The following KHDRBS2 variants were observed in gnomAD, a reference collection of about 807,000 sequenced individuals.
KHDRBS2 encodes KH domain-containing, RNA-binding, signal transduction-associated protein 2.
In KHDRBS2, 26 loss-of-function variants were observed where a neutral mutation model predicts 44.3. That is an observed-to-expected ratio of 0.59 (90% CI 0.43 to 0.81). The LOEUF (loss-of-function observed/expected upper bound fraction) is 0.81. Ranked by LOEUF, KHDRBS2 falls within the 40% of genes least tolerant of loss-of-function variation. KHDRBS2 has a pLI of 0.00. For missense variants in KHDRBS2, 476 were observed against 433.1 expected (o/e 1.10, Z -0.88); for synonymous variants, 194 against 151.1 (o/e 1.28, Z -2.08).
intron 1 of KHDRBS2, among the ~76,000 whole-genome samples, chr6:62,250,239 T>A (rs1434740194): frequency 6.6e-6 from 1 of 152,116 alleles, no homozygotes; most frequent in Non-Finnish European, 1.5e-5. Context: ...AATTATTGTT[T>A]AGACATGCTT....
chr6:62,133,399 G>A (rs1246708411), intron 2 of KHDRBS2, among the ~76,000 whole-genome samples: 1 of 152,184 alleles, frequency 6.6e-6, no homozygotes, highest in Non-Finnish European at 1.5e-5. Flanking sequence ...CTGCTGTCAT[G>A]TAAAATGTGT....
chr6:62,062,297 C>G (rs1382777430), intron 2 of KHDRBS2, among the ~76,000 whole-genome samples: 6 of 147,028 alleles, frequency 4.1e-5, no homozygotes, highest in Non-Finnish European at 9.0e-5. Context: ...GTCTACAGAA[C>G]TTTCCACCCC....
chr6:62,166,859 C>T (rs753399974), intron 2 of KHDRBS2, among the ~76,000 whole-genome samples: 2 of 151,958 alleles, frequency 1.3e-5, no homozygotes, highest in East Asian at 1.9e-4. Flanking sequence ...AAGATCCATC[C>T]GTGAGCTAAT....
intron 6 of KHDRBS2, among the ~76,000 whole-genome samples, chr6:61,793,020 A>C (rs1784839043): frequency 6.6e-6 from 1 of 151,986 alleles, no homozygotes; most frequent in Non-Finnish European, 1.5e-5. Flanking sequence ...AAGATATTAC[A>C]AAGCTTCGAT....
At chr6:61,747,327 A>T (rs1777017849) in intron 6 of KHDRBS2, among the ~76,000 whole-genome samples, 1 of 152,132 alleles carries the variant, frequency 6.6e-6, no homozygotes, top group Non-Finnish European at 1.5e-5. Flanking sequence ...TTCCTGCCAA[A>T]CTTCTTGGTG....
At chr6:61,609,057 A>C in the KHDRBS2 span, among the ~76,000 whole-genome samples, 4 of 152,178 alleles carry the variant, frequency 2.6e-5, no homozygotes, top group Non-Finnish European at 5.9e-5. Flanking sequence ...TCCCATCAAC[A>C]GTGTGAAAGT....
intron 2 of KHDRBS2, among the ~76,000 whole-genome samples, chr6:62,076,819 A>G (rs780002884): frequency 2.6e-5 from 4 of 152,002 alleles, no homozygotes; most frequent in Non-Finnish European, 5.9e-5. Flanking sequence ...CTGAGTTGGT[A>G]GGATTGCTTG....
chr6:61,661,478 G>A, the KHDRBS2 span: 4 of 151,866 alleles, frequency 2.6e-5, no homozygotes, highest in South Asian at 2.1e-4. Flanking sequence ...TTTAATAACA[G>A]TAGCAGTTGT....
chr6:61,917,348 T>C (rs1807205186), intron 4 of KHDRBS2, among the ~76,000 whole-genome samples: 1 of 151,882 alleles, frequency 6.6e-6, no homozygotes, highest in South Asian at 2.1e-4. Flanking sequence ...TACTTAAATG[T>C]ATATTAAAAG....
chr6:62,241,641 C>T (rs560355468), intron 1 of KHDRBS2, among the ~76,000 whole-genome samples: 47 of 150,510 alleles, frequency 3.1e-4, no homozygotes, highest in Admixed American at 9.2e-4. Flanking sequence ...TCGGTTTCAC[C>T]ATTAACTAAA....
At chr6:61,721,957 A>G (rs1054368498) in intron 7 of KHDRBS2, among the ~76,000 whole-genome samples, 2 of 148,506 alleles carry the variant, frequency 1.3e-5, no homozygotes, top group African/African-American at 5.0e-5. Context: ...CGTCCAATCA[A>G]TACCTAATTT....
intron 1 of KHDRBS2, among the ~76,000 whole-genome samples, chr6:62,244,548 G>A (rs946201248): frequency 1.3e-5 from 2 of 152,000 alleles, no homozygotes; most frequent in African/African-American, 4.8e-5. Context: ...AATAAATTAA[G>A]GACAATTGGC....
intron 2 of KHDRBS2, among the ~76,000 whole-genome samples, chr6:62,105,694 G>C (rs1001374558): frequency 5.9e-5 from 9 of 152,028 alleles, no homozygotes; most frequent in African/African-American, 2.2e-4. Context: ...CTTGCTAGCG[G>C]TCTATCAATT....
the KHDRBS2 span, among the ~76,000 whole-genome samples, chr6:61,548,094 C>T: frequency 6.6e-6 from 1 of 152,028 alleles, no homozygotes; most frequent in African/African-American, 2.4e-5. Context: ...CTAATAGGAA[C>T]TGAAATGATG....
At chr6:61,983,439 A>G (rs528142801) in intron 3 of KHDRBS2, among the ~76,000 whole-genome samples, 1 of 151,812 alleles carries the variant, frequency 6.6e-6, no homozygotes, top group East Asian at 1.9e-4. Context: ...CTGGCCTGAT[A>G]CTTAGATTAC....
At chr6:61,795,731 CTCTT>C (rs1377899026) in intron 6 of KHDRBS2, among the ~76,000 whole-genome samples, 6 of 152,118 alleles carry the variant, frequency 3.9e-5, no homozygotes, top group African/African-American at 1.4e-4. Context: ...TACATTTTGC[CTCTT>C]TCTTCTTGTT....
At chr6:61,783,067 T>C (rs1783256085) in intron 6 of KHDRBS2, among the ~76,000 whole-genome samples, 1 of 152,034 alleles carries the variant, frequency 6.6e-6, no homozygotes, top group East Asian at 1.9e-4. Flanking sequence ...ATGTGTAACA[T>C]TATTACAGGG....
intron 3 of KHDRBS2, among the ~76,000 whole-genome samples, chr6:61,986,934 GGA>G (rs1467132452): frequency 3.3e-5 from 5 of 151,992 alleles, no homozygotes; most frequent in Admixed American, 3.3e-4. Flanking sequence ...GAATTTTGAG[GGA>G]CACAAACATT....
chr6:62,222,623 C>A (rs532556994), intron 1 of KHDRBS2, among the ~76,000 whole-genome samples: 44 of 152,202 alleles, frequency 2.9e-4, no homozygotes, highest in African/African-American at 9.9e-4. Context: ...ACAGCCAAAC[C>A]ATATCATACC....
Sources: allele counts gnomAD v4.1 joint callset (sites outside exome capture counted in the v4.1 genomes callset), GRCh38; gene constraint gnomAD v4.1.1; transcripts MANE v1.5; gene names NCBI Gene and HGNC (gene_info 2026-07-23, HGNC 2026-07-21).